The following NPAS3 variants were observed in gnomAD, a reference collection of about 807,000 sequenced individuals.
NPAS3 encodes neuronal PAS domain-containing protein 3.
A neutral mutation model predicts 73.1 loss-of-function variants in NPAS3; 14 were observed. The ratio of observed to expected loss-of-function variants is 0.19; its 90% CI spans 0.13 to 0.30. The LOEUF (loss-of-function observed/expected upper bound fraction) is 0.30. NPAS3 is among the 10% of genes least tolerant of loss of function. The pLI is 1.00. For missense variants in NPAS3, 1,096 were observed against 1,250.0 expected (o/e 0.88, Z 1.86); for synonymous variants, 620 against 541.5 (o/e 1.14, Z -2.01).
chr14:33,760,419 A>C (rs2062245459), intron 7 of NPAS3, among the ~76,000 whole-genome samples: 1 of 152,218 alleles, frequency 6.6e-6, no homozygotes, highest in African/African-American at 2.4e-5. Context: ...ATTAATCTCA[A>C]AGATACTTTG....
intron 6 of NPAS3, among the ~76,000 whole-genome samples, chr14:33,712,091 A>G (rs1453407366): frequency 6.6e-6 from 1 of 152,162 alleles, no homozygotes; most frequent in Admixed American, 6.5e-5. Flanking sequence ...ATTGACATGC[A>G]AATAAGCACT....
chr14:33,115,250 A>G (rs1047508232), intron 2 of NPAS3, among the ~76,000 whole-genome samples: 1 of 152,118 alleles, frequency 6.6e-6, no homozygotes, highest in Non-Finnish European at 1.5e-5. Flanking sequence ...CTTTTGAGAG[A>G]AACGTTTCAA....
rs59212032 is a variant in NPAS3, at chr14:33,335,043, C to CGTGT, written c.386-32118_386-32115dup. 3.0e-4 allele frequency among the ~76,000 whole-genome samples: 44 copies of CGTGT among 147,050 alleles called. 1 individual carries two copies. Among genetic ancestry groups the CGTGT allele is most frequent in the East Asian group, 2.0e-3 (10 of 4,916 alleles). On this transcript the variant is annotated intron_variant, in intron 3 of 11. Transcript: ENST00000356141. ...AGTGGTATTCCATTGTGTGTGTGTG[C>CGTGT]GTGTGTGTGTGTGTGTGTGTGTGTG...
chr14:33,464,309 A>AT (rs979238019), intron 4 of NPAS3, among the ~76,000 whole-genome samples: 1 of 151,904 alleles, frequency 6.6e-6, no homozygotes, highest in African/African-American at 2.4e-5. Context: ...ATTGTTGTTA[A>AT]TTTTTTTTAT....
intron 9 of NPAS3, among the ~76,000 whole-genome samples, chr14:33,781,820 T>C (rs1472099395): frequency 6.6e-6 from 1 of 152,248 alleles, no homozygotes; most frequent in Non-Finnish European, 1.5e-5. Context: ...CACTTATATC[T>C]TTTTTCCTTG....
intron 5 of NPAS3, among the ~76,000 whole-genome samples, chr14:33,588,283 A>G (rs867152283): frequency 6.6e-6 from 1 of 152,132 alleles, no homozygotes; most frequent in African/African-American, 2.4e-5. Context: ...ATATGAACAT[A>G]TTGTCTCCAA....
intron 1 of NPAS3, among the ~76,000 whole-genome samples, chr14:33,022,385 C>T (rs2039629461): frequency 6.6e-6 from 1 of 152,148 alleles, no homozygotes; most frequent in African/African-American, 2.4e-5. Flanking sequence ...TTACTTTTGG[C>T]TGGGCGCGGT....
chr14:33,528,294 G>A (rs2053892072), intron 4 of NPAS3, among the ~76,000 whole-genome samples: 1 of 151,856 alleles, frequency 6.6e-6, no homozygotes, highest in South Asian at 2.1e-4. Context: ...CATTCATGCA[G>A]TATTCACTTA....
chr14:33,617,693 G>A (rs1353700546), intron 5 of NPAS3, among the ~76,000 whole-genome samples: 1 of 152,160 alleles, frequency 6.6e-6, no homozygotes, highest in South Asian at 2.1e-4. Flanking sequence ...AAGCTGTTAC[G>A]CTGATCTGAA....
chr14:33,109,208 G>A (rs943235396), intron 2 of NPAS3, among the ~76,000 whole-genome samples: 2 of 152,114 alleles, frequency 1.3e-5, no homozygotes, highest in African/African-American at 4.8e-5. Context: ...CTGAGCATGA[G>A]GTTAGAATAC....
intron 1 of NPAS3, among the ~76,000 whole-genome samples, chr14:32,999,137 A>G (rs1273372768): frequency 6.6e-6 from 1 of 152,198 alleles, no homozygotes; most frequent in African/African-American, 2.4e-5. Context: ...TGATTGTGGT[A>G]AAAAAATTCA....
At chr14:33,263,041 T>A (rs2049031211) in intron 3 of NPAS3, among the ~76,000 whole-genome samples, 1 of 152,206 alleles carries the variant, frequency 6.6e-6, no homozygotes, top group Non-Finnish European at 1.5e-5. Flanking sequence ...ATGAGTAGAT[T>A]TCAAAAATTT....
chr14:33,528,800 A>G (rs944530480), intron 4 of NPAS3, among the ~76,000 whole-genome samples: 2 of 152,182 alleles, frequency 1.3e-5, no homozygotes, highest in African/African-American at 2.4e-5. Flanking sequence ...AACTTCTAAT[A>G]TAACAACAGC....
At chr14:33,314,410 C>T (rs750217892) in intron 3 of NPAS3, among the ~76,000 whole-genome samples, 3 of 151,886 alleles carry the variant, frequency 2.0e-5, no homozygotes, top group Non-Finnish European at 4.4e-5. Context: ...AGTATTTGAC[C>T]TTCAGTTGGC....
intron 2 of NPAS3, among the ~76,000 whole-genome samples, chr14:33,151,591 T>A (rs1019312249): frequency 6.6e-6 from 1 of 152,228 alleles, no homozygotes; most frequent in Non-Finnish European, 1.5e-5. Flanking sequence ...TTATGTTATA[T>A]TTATGGGATT....
intron 1 of NPAS3, among the ~76,000 whole-genome samples, chr14:33,023,834 C>T (rs754485299): frequency 5.3e-5 from 8 of 152,024 alleles, no homozygotes; most frequent in Admixed American, 2.0e-4. Flanking sequence ...ATCCATCATC[C>T]GTAGCCTGGC....
intron 2 of NPAS3, among the ~76,000 whole-genome samples, chr14:33,196,058 T>A (rs1427872191): frequency 6.6e-6 from 1 of 152,210 alleles, no homozygotes; most frequent in African/African-American, 2.4e-5. Flanking sequence ...TCAGAGAAAT[T>A]AAATGTCTTG....
At chr14:32,954,699 T>C (rs2036607505) in intron 1 of NPAS3, among the ~76,000 whole-genome samples, 1 of 152,182 alleles carries the variant, frequency 6.6e-6, no homozygotes, top group Non-Finnish European at 1.5e-5. Flanking sequence ...TATCTTGCCT[T>C]TTAATACCTC....
At chr14:33,635,479 G>C (rs558616961) in intron 5 of NPAS3, among the ~76,000 whole-genome samples, 1 of 152,254 alleles carries the variant, frequency 6.6e-6, no homozygotes, top group East Asian at 1.9e-4. Flanking sequence ...TAAAAGCCTT[G>C]GGTTTGTTTA....
Sources: gnomAD v4.1 joint callset for allele counts (sites outside exome capture counted in the v4.1 genomes callset) on GRCh38, gnomAD v4.1.1 for gene constraint, MANE v1.5 for transcripts, NCBI Gene and HGNC (gene_info 2026-07-23, HGNC 2026-07-21) for gene names.